TNIP3: variants seen among roughly 807,000 people sequenced by gnomAD.
TNIP3 encodes the protein TNFAIP3 interacting protein 3, also known as TNFAIP3-interacting protein 3.
A neutral mutation model predicts 54.1 loss-of-function variants in TNIP3; 34 were observed. The observed-to-expected ratio is 0.63, with a 90% CI of 0.48 to 0.84. The LOEUF (loss-of-function observed/expected upper bound fraction) is 0.84, where lower values mean the gene tolerates loss of function less well. TNIP3 is among the 40% of genes least tolerant of loss of function. TNIP3 has a pLI of 0.00. For missense variants in TNIP3, 366 were observed against 387.6 expected, an observed-to-expected ratio of 0.94 and a Z score of 0.47; for synonymous variants, 134 against 136.8, an observed-to-expected ratio of 0.98 and a Z score of 0.14.
rs1012278334 is a variant in TNIP3, at chr4:121,140,845, G to A, written c.885+971C>T. Reference sequence around the variant, plus strand: ...ATGAAAAGACTCAATTCTTAGCGGTGTGCTGTGTCATACCAGGGTCAAATA... The same window carrying A: ...ATGAAAAGACTCAATTCTTAGCGGTATGCTGTGTCATACCAGGGTCAAATA... On this transcript the variant is annotated intron_variant, in intron 9 of 10. Coordinates refer to ENST00000057513, the MANE Select transcript of TNIP3 (RefSeq NM_024873.6). Among the ~76,000 whole-genome samples, 52 of 152,302 alleles carry A rather than the reference G, an allele frequency of 3.4e-4. 1 individual carries two copies. The highest frequency in any genetic ancestry group is 1.2e-3 in the African/African-American group (48 of 41,564).
At chr4:121,137,687 C>A (rs544943905) in intron 10 of TNIP3, 2 of 325,812 alleles carry the variant, frequency 6.1e-6, no homozygotes, top group African/African-American at 4.3e-5. Context: ...TATTTACACT[C>A]CATAACAGAC....
intron 2 of TNIP3, among the ~76,000 whole-genome samples, chr4:121,200,555 T>C (rs1725826593): frequency 6.6e-6 from 1 of 152,118 alleles, no homozygotes; most frequent in South Asian, 2.1e-4. Flanking sequence ...CCCTGACCAG[T>C]GGGCTCCTGT....
intron 1 of TNIP3, among the ~76,000 whole-genome samples, chr4:121,227,024 T>C (rs1727285853): frequency 6.6e-6 from 1 of 152,212 alleles, no homozygotes; most frequent in Admixed American, 6.5e-5. Context: ...TACATTTAGT[T>C]ATTATTTATA....
At position 121,147,067 on chromosome 4, in the gene TNIP3, C is replaced by T; in HGVS notation, c.717G>A (p.Leu239=). Residue 239 remains leucine, a synonymous_variant, in exon 7 of 11, where the codon TTG becomes TTA. Transcript: ENST00000057513. The stretch of plus-strand genomic sequence containing the variant: ...CTTGTACCTGGGAATTCAGCCTGTT[C>T]AACTGGGATTGGGAAGTTTCATTAA... ...QQINETSQSQ[L]NRLNSQIKAC... 6.2e-7 allele frequency: 1 copy of T among 1,612,486 alleles called. No homozygotes were observed. Among genetic ancestry groups the T allele is most frequent in the Non-Finnish European group, 8.5e-7 (1 of 1,179,202 alleles).
intron 2 of TNIP3, 25 bp downstream of exon 2, chr4:121,161,111 G>A: frequency 6.6e-7 from 1 of 1,515,820 alleles, no homozygotes; most frequent in Non-Finnish European, 9.0e-7. Context: ...GGCACCTGTG[G>A]CTTTAGCGAA....
rs558203387 is a variant in TNIP3 at position 121,171,106 on chromosome 4, A to G, written c.190-6960T>C. ...GCTGAGATCACAGGCGTGAGCCACC[A>G]TGCCTTGCCAGTAAGGGATATCTTT... On this transcript the variant is annotated intron_variant, in intron 3 of 12. Transcript: ENST00000507879. Among the ~76,000 whole-genome samples the G allele has an allele frequency of 2.9e-3, 445 of 152,274 alleles. 2 individuals carry two copies. Among genetic ancestry groups the G allele is most frequent in the Non-Finnish European group, 3.5e-3 (239 of 68,016 alleles).
At chr4:121,210,229 T>C (rs188148813) in intron 2 of TNIP3, among the ~76,000 whole-genome samples, 2 of 151,140 alleles carry the variant, frequency 1.3e-5, no homozygotes, top group South Asian at 4.1e-4. Context: ...AATTATAATT[T>C]ATAATAAAGA....
At chr4:121,204,621 TA>T (rs1726078553) in intron 2 of TNIP3, among the ~76,000 whole-genome samples, 1 of 152,168 alleles carries the variant, frequency 6.6e-6, no homozygotes, top group African/African-American at 2.4e-5. Context: ...TGTTTCTAAT[TA>T]CTTTTTCTTC....
intron 9 of TNIP3, among the ~76,000 whole-genome samples, chr4:121,139,187 C>A (rs1728965197): frequency 6.6e-6 from 1 of 152,206 alleles, no homozygotes; most frequent in East Asian, 1.9e-4. Flanking sequence ...CAGGGCAAAT[C>A]TTTCCCTTTT....
chr4:121,219,949 A>G (rs1726962469), upstream of TNIP3, among the ~76,000 whole-genome samples: 1 of 152,186 alleles, frequency 6.6e-6, no homozygotes, highest in Non-Finnish European at 1.5e-5. Flanking sequence ...AATTAACATT[A>G]AATGTTAACC....
At chr4:121,146,974 C>A in intron 7 of TNIP3, 75 bp downstream of exon 7, 1 of 1,507,206 alleles carries the variant, frequency 6.6e-7, no homozygotes, top group Non-Finnish European at 8.9e-7. Flanking sequence ...AACAGAAGTC[C>A]AAACGTCTTG....
rs1336875725 is a variant in TNIP3 at position 121,216,359 on chromosome 4, C to G, written c.68+56G>C. 3 of 1,388,696 alleles carry G rather than the reference C, an allele frequency of 2.2e-6. No homozygotes were observed. In the African/African-American group the frequency reaches 4.3e-5, roughly 20 times the overall value. The allele number at this position is 1,388,696 out of a possible 1,614,324, so 86.0% of individuals were successfully genotyped here. A position where few individuals can be genotyped will look rare whatever the true frequency, so the allele number is the denominator to read the frequency against. ...CTATCATTGCCACAAAGCAGAAGTG[C>G]TCTAATTAGAATATTAGTATTAGAA... On this transcript the variant is annotated intron_variant, in intron 2 of 12. Transcript: ENST00000507879.
At chr4:121,151,476 GA>G (rs1182780073) in intron 5 of TNIP3, among the ~76,000 whole-genome samples, 1 of 151,812 alleles carries the variant, frequency 6.6e-6, no homozygotes, top group Non-Finnish European at 1.5e-5. Flanking sequence ...AGTTGTAAGA[GA>G]AAAAAAGAGC....
chr4:121,195,231 C>A (rs1044798321), intron 2 of TNIP3, among the ~76,000 whole-genome samples: 9 of 152,078 alleles, frequency 5.9e-5, no homozygotes, highest in Non-Finnish European at 1.0e-4. Flanking sequence ...CTTTGAGTAA[C>A]CCCCATACAC....
At chr4:121,181,445 G>A (rs1460983668) in intron 3 of TNIP3, among the ~76,000 whole-genome samples, 1 of 152,140 alleles carries the variant, frequency 6.6e-6, no homozygotes, top group South Asian at 2.1e-4. Context: ...ATAACCATTA[G>A]TACACATTCA....
At chr4:121,195,462 T>G (rs1329702977) in intron 2 of TNIP3, among the ~76,000 whole-genome samples, 1 of 152,248 alleles carries the variant, frequency 6.6e-6, no homozygotes, top group East Asian at 1.9e-4. Context: ...TATTTATTTC[T>G]GATTATAGAG....
intron 1 of TNIP3, among the ~76,000 whole-genome samples, chr4:121,161,780 G>C (rs6820363): frequency 0.28 from 42,556 of 151,912 alleles, 6,697 homozygotes; most frequent in African/African-American, 0.43. Flanking sequence ...AAAGTCACTA[G>C]GTTACTAGTT....
chr4:121,191,470 T>C (rs1424425698), intron 2 of TNIP3, among the ~76,000 whole-genome samples: 1 of 152,218 alleles, frequency 6.6e-6, no homozygotes, highest in Non-Finnish European at 1.5e-5. Context: ...AACAAGAACA[T>C]TTAAATGATG....
upstream of TNIP3, among the ~76,000 whole-genome samples, chr4:121,168,638 A>C (rs1376891845): frequency 6.6e-6 from 1 of 151,586 alleles, no homozygotes; most frequent in East Asian, 1.9e-4. Flanking sequence ...CAGCTGCCTC[A>C]GCCTCTTGAG....
Sources: gnomAD v4.1 joint callset for allele counts (sites outside exome capture counted in the v4.1 genomes callset) on GRCh38, gnomAD v4.1.1 for gene constraint, MANE v1.5 for transcripts, NCBI Gene and HGNC (gene_info 2026-07-23, HGNC 2026-07-21) for gene names.